Variants in IHO1 observed in about 807,000 individuals in gnomAD.
IHO1 encodes interactor of HORMAD1 protein 1.
A neutral mutation model predicts 31.0 loss-of-function variants in IHO1; 13 were observed. That is an observed-to-expected ratio of 0.42 (90% CI 0.27 to 0.67). The LOEUF (loss-of-function observed/expected upper bound fraction) is 0.67, where lower values mean the gene tolerates loss of function less well. Among genes scored for constraint, IHO1 ranks in the 30% least tolerant of loss-of-function variants. The pLI, the probability that IHO1 is intolerant of heterozygous loss-of-function variation, is 0.24. For synonymous variants in IHO1, 221 were observed against 248.4 expected (o/e 0.89, Z 1.04); for missense variants, 599 against 687.5 (o/e 0.87, Z 1.44).
chr3:49,222,228 T>C (rs145976391), intron 2 of IHO1, among the ~76,000 whole-genome samples: 28 of 152,334 alleles, frequency 1.8e-4, no homozygotes, highest in African/African-American at 6.0e-4. Flanking sequence ...ATTAGTTGTA[T>C]GGCTCTGCGC....
chr3:49,243,618 C>A (rs774772384), intron 4 of IHO1, among the ~76,000 whole-genome samples: 1 of 151,150 alleles, frequency 6.6e-6, no homozygotes, highest in Non-Finnish European at 1.5e-5. Context: ...ATTAGCCGGG[C>A]GTGGTGGCGG....
intron 2 of IHO1, among the ~76,000 whole-genome samples, chr3:49,219,368 T>G (rs2046325115): frequency 6.6e-6 from 1 of 152,232 alleles, no homozygotes; most frequent in Non-Finnish European, 1.5e-5. Context: ...CTTAAGGACA[T>G]GTTCCTGCTG....
At chr3:49,233,504 CT>C in intron 2 of IHO1, among the ~76,000 whole-genome samples, 1 of 152,318 alleles carries the variant, frequency 6.6e-6, no homozygotes, top group South Asian at 2.1e-4. Context: ...AGATTAGCAG[CT>C]ATTAACCCAT....
At chr3:49,197,308 A>T (rs1219558527), upstream of IHO1, among the ~76,000 whole-genome samples, 1 of 148,500 alleles carries the variant, frequency 6.7e-6, no homozygotes, top group Non-Finnish European at 1.5e-5. Flanking sequence ...CTTAAAAAAA[A>T]TGTGTTTTAG....
At chr3:49,205,515 T>G (rs574563568) in intron 1 of IHO1, among the ~76,000 whole-genome samples, 1 of 152,102 alleles carries the variant, frequency 6.6e-6, no homozygotes, top group Non-Finnish European at 1.5e-5. Flanking sequence ...GAGATGGGGT[T>G]CCACCATGTT....
intron 2 of IHO1, among the ~76,000 whole-genome samples, chr3:49,223,287 G>T (rs1477850358): frequency 6.6e-6 from 1 of 152,156 alleles, no homozygotes; most frequent in Non-Finnish European, 1.5e-5. Flanking sequence ...TGCTTTTTGA[G>T]TGTTTCATTT....
At chr3:49,220,451 C>T (rs982670900) in intron 2 of IHO1, among the ~76,000 whole-genome samples, 13 of 152,152 alleles carry the variant, frequency 8.5e-5, no homozygotes, top group African/African-American at 2.2e-4. Context: ...ATGGTGTGTC[C>T]GGAGTTTGTT....
intron 2 of IHO1, among the ~76,000 whole-genome samples, chr3:49,215,962 A>G (rs1353774018): frequency 6.6e-6 from 1 of 152,218 alleles, no homozygotes; most frequent in Non-Finnish European, 1.5e-5. Flanking sequence ...GAGTAAAAAT[A>G]ATCACCCTTC....
At chr3:49,213,174 A>T (rs922609401) in intron 2 of IHO1, among the ~76,000 whole-genome samples, 19 of 151,766 alleles carry the variant, frequency 1.3e-4, no homozygotes, top group Non-Finnish European at 2.2e-4. Context: ...TGTATTTACA[A>T]TCCCTTAGCT....
At chr3:49,249,529 A>G (rs559424799) in intron 6 of IHO1, among the ~76,000 whole-genome samples, 14 of 152,224 alleles carry the variant, frequency 9.2e-5, no homozygotes, top group Non-Finnish European at 1.5e-4. Context: ...CAGCCTCCCA[A>G]AGTGCTGAGA....
At chr3:49,254,434 T>C (rs1341776289) in intron 6 of IHO1, among the ~76,000 whole-genome samples, 1 of 152,102 alleles carries the variant, frequency 6.6e-6, no homozygotes, top group African/African-American at 2.4e-5. Flanking sequence ...CAATAAATGA[T>C]GGTAGGGCAC....
chr3:49,192,759 G>T, the IHO1 span, among the ~76,000 whole-genome samples: 1 of 152,118 alleles, frequency 6.6e-6, no homozygotes, highest in Admixed American at 6.6e-5. Flanking sequence ...AGCTGGGTGT[G>T]GTGGCATATA....
chr3:49,198,785 T>C (rs1351355326), upstream of IHO1: 1 of 152,408 alleles, frequency 6.6e-6, no homozygotes, highest in Admixed American at 6.5e-5. Context: ...CAGAGTTACA[T>C]AGATCCTTCC....
chr3:49,251,828 C>T (rs924830856), intron 6 of IHO1, among the ~76,000 whole-genome samples: 27 of 152,050 alleles, frequency 1.8e-4, no homozygotes, highest in African/African-American at 6.3e-4. Context: ...TCTCAAACTC[C>T]TGATCTCAGC....
chr3:49,198,052 T>G (rs1263603325), upstream of IHO1, among the ~76,000 whole-genome samples: 1 of 152,222 alleles, frequency 6.6e-6, no homozygotes, highest in Non-Finnish European at 1.5e-5. Flanking sequence ...ATAAATGGGA[T>G]CATACAGTAT....
chr3:49,232,725 G>C (rs1417195088), intron 2 of IHO1, among the ~76,000 whole-genome samples: 1 of 152,178 alleles, frequency 6.6e-6, no homozygotes, highest in Non-Finnish European at 1.5e-5. Context: ...ACAGATGGTG[G>C]AAGAAAACCT....
In IHO1 at chr3:49,253,609, G is replaced by A. The variant is rs578142257; in HGVS notation, c.533-1781G>A. On this transcript the variant is annotated intron_variant, in intron 6 of 7. Coordinates refer to ENST00000452691, the MANE Select transcript of IHO1 (RefSeq NM_001135197.2). ...TTGGAACGTGCTCTTTCTTCTGTTG[G>A]TAATATTCTTTCCCTTACAGTTTTA... Among the ~76,000 whole-genome samples the A allele has an allele frequency of 1.3e-5, 2 of 152,104 alleles. 1 individual carries two copies. Among genetic ancestry groups the A allele is most frequent in the South Asian group, 4.1e-4 (2 of 4,826 alleles).
intron 1 of IHO1, among the ~76,000 whole-genome samples, chr3:49,203,600 C>T (rs1192630904): frequency 6.6e-6 from 1 of 151,862 alleles, no homozygotes; most frequent in Non-Finnish European, 1.5e-5. Context: ...GTAGGGTTGC[C>T]GCATTTAGCA....
At chr3:49,247,227 T>G (rs1262724518) in intron 6 of IHO1, among the ~76,000 whole-genome samples, 2 of 150,946 alleles carry the variant, frequency 1.3e-5, no homozygotes, top group Non-Finnish European at 3.0e-5. Flanking sequence ...CAGCACTTTG[T>G]GTTTTTGTTT....
Sources: allele counts gnomAD v4.1 joint callset (sites outside exome capture counted in the v4.1 genomes callset), GRCh38; gene constraint gnomAD v4.1.1; transcripts MANE v1.5; gene names NCBI Gene and HGNC (gene_info 2026-07-23, HGNC 2026-07-21).